Variants in VEZT observed in about 807,000 individuals in gnomAD.
VEZT encodes the protein vezatin, adherens junctions transmembrane protein, also known as vezatin.
Under a neutral mutation model 79.9 loss-of-function variants are expected in VEZT, and 39 were observed. The ratio of observed to expected loss-of-function variants is 0.49; its 90% CI spans 0.38 to 0.64. VEZT has a LOEUF of 0.64. Among genes scored for constraint, VEZT ranks in the 30% least tolerant of loss-of-function variants. The pLI is 0.00. For synonymous variants in VEZT, 325 were observed against 327.6 expected, an observed-to-expected ratio of 0.99 and a Z score of 0.09; for missense variants, 837 against 893.1, an observed-to-expected ratio of 0.94 and a Z score of 0.80.
At chr12:95,293,218 G>C (rs1279428012) in intron 9 of VEZT, among the ~76,000 whole-genome samples, 1 of 152,182 alleles carries the variant, frequency 6.6e-6, no homozygotes, top group African/African-American at 2.4e-5. Flanking sequence ...TAACTCTACA[G>C]CTCTTAGCCA....
chr12:95,259,293 A>G (rs1488691033), intron 3 of VEZT, among the ~76,000 whole-genome samples: 2 of 151,862 alleles, frequency 1.3e-5, no homozygotes, highest in African/African-American at 4.8e-5. Context: ...TATTTTCTGC[A>G]TCAACCTAGT....
At chr12:95,225,386 C>T (rs141715058) in intron 1 of VEZT, among the ~76,000 whole-genome samples, 1 of 152,036 alleles carries the variant, frequency 6.6e-6, no homozygotes, top group Non-Finnish European at 1.5e-5. Context: ...AACCCCATCT[C>T]TAGTAAAAAT....
chr12:95,275,018 C>A, intron 7 of VEZT, 129 bp downstream of exon 7: 3 of 1,097,888 alleles, frequency 2.7e-6, no homozygotes, highest in Non-Finnish European at 3.7e-6. Context: ...CATAAATGCA[C>A]GGGTGATGTT....
intron 8 of VEZT, among the ~76,000 whole-genome samples, chr12:95,284,415 G>A (rs1383035328): frequency 6.6e-6 from 1 of 152,120 alleles, no homozygotes; most frequent in African/African-American, 2.4e-5. Context: ...CTACACTAGG[G>A]CATTAATTTC....
At chr12:95,273,713 A>G (rs2067092203) in intron 6 of VEZT, among the ~76,000 whole-genome samples, 1 of 152,224 alleles carries the variant, frequency 6.6e-6, no homozygotes, top group Non-Finnish European at 1.5e-5. Flanking sequence ...ATACCAAAAC[A>G]TGTTGTATTA....
chr12:95,241,300 G>A (rs1218755403), intron 1 of VEZT, among the ~76,000 whole-genome samples: 2 of 152,056 alleles, frequency 1.3e-5, no homozygotes, highest in East Asian at 1.9e-4. Flanking sequence ...GCCTCCCAGA[G>A]TGCTGGGATT....
At chr12:95,270,597 A>T (rs1392987306) in intron 6 of VEZT, among the ~76,000 whole-genome samples, 1 of 152,242 alleles carries the variant, frequency 6.6e-6, no homozygotes, top group Non-Finnish European at 1.5e-5. Context: ...AGAATGGCTA[A>T]GTTCAAACAC....
intron 1 of VEZT, among the ~76,000 whole-genome samples, chr12:95,221,227 T>G (rs11107940): frequency 0.11 from 17,306 of 152,258 alleles, 1,288 homozygotes; most frequent in East Asian, 0.16. Flanking sequence ...TGGATACAAG[T>G]CCTTTGTTAG....
intron 3 of VEZT, 146 bp downstream of exon 3, chr12:95,257,385 G>T: frequency 1.5e-6 from 1 of 654,000 alleles, no homozygotes; most frequent in South Asian, 2.0e-5. Context: ...TTTTAATTTG[G>T]GCTTACTGGT....
intron 1 of VEZT, among the ~76,000 whole-genome samples, chr12:95,232,544 G>GAA (rs2059410082): frequency 6.6e-6 from 1 of 152,074 alleles, no homozygotes; most frequent in Non-Finnish European, 1.5e-5. Context: ...CACAGTTTCG[G>GAA]GCTTTTGTGC....
intron 7 of VEZT, among the ~76,000 whole-genome samples, chr12:95,278,735 C>T (rs1409005989): frequency 6.6e-6 from 1 of 152,156 alleles, no homozygotes; most frequent in Non-Finnish European, 1.5e-5. Flanking sequence ...CCTGAGGAGA[C>T]ATAAATAAAA....
At position 95,251,380 on chromosome 12, in the gene VEZT, G is replaced by A. The variant is rs537532554; in HGVS notation, c.37-560G>A. The stretch of plus-strand genomic sequence containing the variant: ...ACTGTGTTCTATTTGTCATATGCTC[G>A]TATGTAAGATATAGCTTATCTAAGG... On this transcript the variant is annotated intron_variant, in intron 1 of 11. Coordinates refer to ENST00000436874, the MANE Select transcript of VEZT (RefSeq NM_017599.4). Among the ~76,000 whole-genome samples the A allele has an allele frequency of 6.6e-4, 100 of 152,220 alleles. 1 individual carries two copies. The highest frequency in any genetic ancestry group is 1.1e-3 in the Non-Finnish European group (72 of 68,020).
chr12:95,297,598 C>T (rs2074433711), intron 11 of VEZT, among the ~76,000 whole-genome samples: 1 of 152,162 alleles, frequency 6.6e-6, no homozygotes, highest in African/African-American at 2.4e-5. Flanking sequence ...AAACTCTTTG[C>T]AGATTTTTCT....
In VEZT at chr12:95,301,729, T is replaced by TG. The variant is rs2075232770; in HGVS notation, c.*1061dup. The TG allele has an allele frequency of 6.6e-6, 1 of 152,172 alleles. No individual in the cohort carries two copies. Among genetic ancestry groups the TG allele is most frequent in the Non-Finnish European group, 1.5e-5 (1 of 68,016 alleles). The allele number at this position is 152,172 out of a possible 1,614,324, so 9.4% of individuals were successfully genotyped here. ...ATAACATAGTTCTATAGACATTATT[T>TG]GGGGGAAATGTAGTAATAACTCAAT... On this transcript the variant is annotated 3_prime_UTR_variant, in exon 12 of 12. Coordinates refer to ENST00000436874, the MANE Select transcript of VEZT (RefSeq NM_017599.4).
chr12:95,264,869 C>CTTTTTTTTTTTTTT lies in VEZT; in HGVS notation c.435-1480_435-1467dup, dbSNP rs71078693. Among the ~76,000 whole-genome samples the CTTTTTTTTTTTTTT allele has an allele frequency of 5.8e-4, 66 of 113,346 alleles. 1 individual carries two copies. Among genetic ancestry groups the CTTTTTTTTTTTTTT allele is most frequent in the Non-Finnish European group, 8.9e-4 (50 of 56,116 alleles). The allele number at this position is 113,346 out of a possible 152,430, so 74.4% of individuals were successfully genotyped here. On this transcript the variant is annotated intron_variant, in intron 4 of 11. Transcript: ENST00000436874. ...TATACTCCCCTCTTTCTTTTCTTTT[C>CTTTTTTTTTTTTTT]TTTTTTTTTTTTTTTTTTTTTGAGA...
rs371910307 is a variant in VEZT, at chr12:95,253,093, A to G, written c.168+1022A>G. Among the ~76,000 whole-genome samples, 7 of 152,308 alleles carry G rather than the reference A, an allele frequency of 4.6e-5. No individual in the cohort carries two copies. In the East Asian group the frequency reaches 9.6e-4, roughly 21 times the overall value. ...GGATTAGAACCTGTACTTTACTCCG[A>G]GTTTATGTTCTTAACCTCTGTCTAC... On this transcript the variant is annotated intron_variant, in intron 2 of 11. Coordinates refer to ENST00000436874, the MANE Select transcript of VEZT (RefSeq NM_017599.4).
chr12:95,225,642 G>A (rs145219456), intron 1 of VEZT, among the ~76,000 whole-genome samples: 15 of 152,142 alleles, frequency 9.9e-5, no homozygotes, highest in African/African-American at 3.6e-4. Flanking sequence ...CCTTGGTATT[G>A]GAACTTGGAG....
rs1442233815 is a variant in VEZT at position 95,257,369 on chromosome 12, A to T, written c.258+130A>T. The stretch of plus-strand genomic sequence containing the variant: ...TTTACTAGAGATTCTGCAGTAACTC[A>T]GGATCTTTTAATTTGGGCTTACTGG... On this transcript the variant is annotated intron_variant, in intron 3 of 11. Coordinates refer to ENST00000436874, the MANE Select transcript of VEZT (RefSeq NM_017599.4). 4.1e-5 allele frequency: 29 copies of T among 706,412 alleles called. No individual in the cohort carries two copies. In the East Asian group the frequency reaches 7.4e-4, roughly 18 times the overall value. The allele number at this position is 706,412 out of a possible 1,614,324, so 43.8% of individuals were successfully genotyped here.
chr12:95,300,002 T>G (rs1170459039), intron 11 of VEZT, 163 bp from the exon 12 acceptor site: 1 of 454,982 alleles, frequency 2.2e-6, no homozygotes, highest in African/African-American at 2.0e-5. Context: ...TTATAAAGTT[T>G]CCTGGATTTA....
Sources: gnomAD v4.1 joint callset for allele counts (sites outside exome capture counted in the v4.1 genomes callset) on GRCh38, gnomAD v4.1.1 for gene constraint, MANE v1.5 for transcripts, NCBI Gene and HGNC (gene_info 2026-07-23, HGNC 2026-07-21) for gene names.